TAFA2: variants seen among roughly 807,000 people sequenced by gnomAD.
The protein encoded by TAFA2 is chemokine-like protein TAFA-2.
A neutral mutation model predicts 18.8 loss-of-function variants in TAFA2; 7 were observed. The ratio of observed to expected loss-of-function variants is 0.37; its 90% CI spans 0.21 to 0.70. TAFA2 has a LOEUF of 0.70. Ranked by LOEUF, TAFA2 falls within the 30% of genes least tolerant of loss-of-function variation. The pLI is 0.53. For missense variants in TAFA2, 122 were observed against 158.1 expected (o/e 0.77, Z 1.23); for synonymous variants, 60 against 54.2 (o/e 1.11, Z -0.47).
intron 1 of TAFA2, among the ~76,000 whole-genome samples, chr12:62,013,911 G>A (rs1189835186): frequency 1.3e-5 from 2 of 152,132 alleles, no homozygotes; most frequent in Admixed American, 1.3e-4. Flanking sequence ...ATCTTACAAA[G>A]TCTACCTAAT....
At chr12:61,803,377 C>T (rs1287135912) in intron 2 of TAFA2, among the ~76,000 whole-genome samples, 4 of 151,858 alleles carry the variant, frequency 2.6e-5, no homozygotes, top group African/African-American at 9.7e-5. Context: ...TCTCTAGTTA[C>T]ACAAAACAAT....
At chr12:62,100,681 A>C (rs1869156970) in intron 1 of TAFA2, among the ~76,000 whole-genome samples, 1 of 152,196 alleles carries the variant, frequency 6.6e-6, no homozygotes, top group East Asian at 1.9e-4. Context: ...CTTGAATGTC[A>C]AGCACTGCAC....
chr12:61,797,120 A>C (rs1871219453), intron 2 of TAFA2, among the ~76,000 whole-genome samples: 1 of 152,208 alleles, frequency 6.6e-6, no homozygotes, highest in African/African-American at 2.4e-5. Flanking sequence ...CTGAGCAATT[A>C]GCCTATTTAG....
intron 2 of TAFA2, among the ~76,000 whole-genome samples, chr12:61,800,909 A>G: frequency 6.6e-6 from 1 of 152,146 alleles, no homozygotes; most frequent in East Asian, 1.9e-4. Flanking sequence ...CATGGGGCAA[A>G]GAGAAAAAAG....
At chr12:62,232,375 T>C (rs2062815312) in intron 1 of TAFA2, among the ~76,000 whole-genome samples, 1 of 152,220 alleles carries the variant, frequency 6.6e-6, no homozygotes, top group Admixed American at 6.5e-5. Flanking sequence ...GAAAACACTT[T>C]CAGCCTTATC....
intron 1 of TAFA2, among the ~76,000 whole-genome samples, chr12:62,163,656 T>C (rs2062420565): frequency 6.6e-6 from 1 of 152,148 alleles, no homozygotes; most frequent in Non-Finnish European, 1.5e-5. Flanking sequence ...GAAATGTAAG[T>C]GCCCACAGAA....
chr12:61,750,832 T>C (rs1337815460), intron 4 of TAFA2, among the ~76,000 whole-genome samples: 1 of 152,120 alleles, frequency 6.6e-6, no homozygotes, highest in Admixed American at 6.6e-5. Context: ...CCAACATATC[T>C]TGCATAAGCA....
At chr12:62,214,856 A>G (rs1231076630) in intron 1 of TAFA2, among the ~76,000 whole-genome samples, 1 of 152,146 alleles carries the variant, frequency 6.6e-6, no homozygotes, top group African/African-American at 2.4e-5. Flanking sequence ...ATCCCTCACA[A>G]ACTAACACAC....
At chr12:61,725,460 A>C (rs1332426097) in intron 4 of TAFA2, among the ~76,000 whole-genome samples, 1 of 151,944 alleles carries the variant, frequency 6.6e-6, no homozygotes, top group African/African-American at 2.4e-5. Context: ...TGATTTTTTT[A>C]TAAGGTGGGA....
chr12:62,105,421 A>G (rs573685520), intron 1 of TAFA2, among the ~76,000 whole-genome samples: 1 of 152,340 alleles, frequency 6.6e-6, no homozygotes, highest in African/African-American at 2.4e-5. Flanking sequence ...AAGTAAGTTT[A>G]TAATGATAAC....
chr12:61,759,583 T>C (rs531016095), intron 2 of TAFA2, among the ~76,000 whole-genome samples: 1 of 152,122 alleles, frequency 6.6e-6, no homozygotes, highest in East Asian at 1.9e-4. Flanking sequence ...GTTATAAACC[T>C]CTAAAATTAG....
At chr12:62,231,568 G>C (rs2062811997) in intron 1 of TAFA2, among the ~76,000 whole-genome samples, 1 of 152,034 alleles carries the variant, frequency 6.6e-6, no homozygotes, top group African/African-American at 2.4e-5. Context: ...TTTACATTCA[G>C]TGTTATTATT....
intron 2 of TAFA2, among the ~76,000 whole-genome samples, chr12:61,794,066 G>A (rs1871094273): frequency 6.6e-6 from 1 of 151,866 alleles, no homozygotes; most frequent in South Asian, 2.1e-4. Flanking sequence ...ACTTGATGAA[G>A]CATATCTATG....
At chr12:61,813,075 G>A (rs1433513631) in intron 2 of TAFA2, among the ~76,000 whole-genome samples, 1 of 151,328 alleles carries the variant, frequency 6.6e-6, no homozygotes, top group Non-Finnish European at 1.5e-5. Flanking sequence ...TCATGATTGT[G>A]TAGCATTCCA....
chr12:62,037,909 G>A (rs1881652384), intron 1 of TAFA2, among the ~76,000 whole-genome samples: 3 of 152,160 alleles, frequency 2.0e-5, no homozygotes. Context: ...CAAACCAGTT[G>A]TATAGCAGAC....
intron 1 of TAFA2, among the ~76,000 whole-genome samples, chr12:62,036,565 G>A (rs1881617983): frequency 6.6e-6 from 1 of 152,140 alleles, no homozygotes; most frequent in Admixed American, 6.5e-5. Flanking sequence ...CATTCAGCCT[G>A]GTAGTAGTAC....
intron 1 of TAFA2, among the ~76,000 whole-genome samples, chr12:61,917,734 C>T (rs1480038689): frequency 6.6e-6 from 1 of 152,114 alleles, no homozygotes; most frequent in Non-Finnish European, 1.5e-5. Context: ...TGTATGTTAC[C>T]TGGGTAAAGG....
chr12:62,156,794 G>A (rs540898232), intron 1 of TAFA2, among the ~76,000 whole-genome samples: 1 of 152,204 alleles, frequency 6.6e-6, no homozygotes, highest in South Asian at 2.1e-4. Flanking sequence ...AGTGTACACT[G>A]CTTGGATGTT....
chr12:62,208,867 C>T (rs1223749778), intron 1 of TAFA2, among the ~76,000 whole-genome samples: 1 of 152,216 alleles, frequency 6.6e-6, no homozygotes, highest in Non-Finnish European at 1.5e-5. Context: ...TCAGTCTCCA[C>T]CTGAGGTGTG....
Sources: gnomAD v4.1 joint callset for allele counts (sites outside exome capture counted in the v4.1 genomes callset) on GRCh38, gnomAD v4.1.1 for gene constraint, MANE v1.5 for transcripts, NCBI Gene and HGNC (gene_info 2026-07-23, HGNC 2026-07-21) for gene names.